Variants in ZNF521 observed in about 807,000 individuals in gnomAD.
ZNF521 encodes LYST-interacting protein 3.
A neutral mutation model predicts 105.5 loss-of-function variants in ZNF521; 14 were observed. The observed-to-expected ratio is 0.13, with a 90% CI of 0.09 to 0.21. The LOEUF (loss-of-function observed/expected upper bound fraction) is 0.21. Ranked by LOEUF, ZNF521 falls within the 10% of genes least tolerant of loss-of-function variation. The probability of loss-of-function intolerance (pLI) is 1.00; values close to 1 mark genes in which losing one functional copy is unlikely to be tolerated. For synonymous variants in ZNF521, 635 were observed against 606.0 expected (o/e 1.05, Z -0.70); for missense variants, 1,233 against 1,629.7 (o/e 0.76, Z 4.19).
intron 5 of ZNF521, among the ~76,000 whole-genome samples, chr18:25,166,423 C>T (rs990593739): frequency 6.6e-6 from 1 of 152,040 alleles, no homozygotes; most frequent in Non-Finnish European, 1.5e-5. Context: ...TTTTTTTAAA[C>T]AAGATTCTTG....
chr18:25,124,335 T>C (rs980599865), intron 5 of ZNF521, among the ~76,000 whole-genome samples: 3 of 152,146 alleles, frequency 2.0e-5, no homozygotes, highest in Non-Finnish European at 4.4e-5. Context: ...TAACAACAGC[T>C]GCAGTCCTGC....
At chr18:25,253,927 T>G (rs765169433) in intron 3 of ZNF521, among the ~76,000 whole-genome samples, 1 of 152,132 alleles carries the variant, frequency 6.6e-6, no homozygotes, top group Admixed American at 6.6e-5. Flanking sequence ...TGATATGAAC[T>G]CAAATCCTTG....
intron 5 of ZNF521, among the ~76,000 whole-genome samples, chr18:25,132,268 A>T (rs1355818118): frequency 6.6e-6 from 1 of 152,186 alleles, no homozygotes; most frequent in African/African-American, 2.4e-5. Flanking sequence ...CACCTACTGT[A>T]TCTTCTAAGC....
At chr18:25,263,869 C>T (rs1338125378) in intron 3 of ZNF521, among the ~76,000 whole-genome samples, 5 of 152,164 alleles carry the variant, frequency 3.3e-5, no homozygotes. Flanking sequence ...TAAGCCACAG[C>T]ACCTGGCCTA....
In ZNF521 at chr18:25,272,656, A is replaced by T. The variant is rs990201036; in HGVS notation, c.221-44959T>A. Among the ~76,000 whole-genome samples the T allele has an allele frequency of 2.0e-5, 3 of 152,004 alleles. No individual in the cohort carries two copies. The East Asian group carries it at 5.8e-4, about 30-fold the overall frequency. On this transcript the variant is annotated intron_variant, in intron 3 of 7. Coordinates refer to ENST00000361524, the MANE Select transcript of ZNF521 (RefSeq NM_015461.3). ...AAACCATCATTCTCAGCAAACTACCACAAGAACAGAAAACCAAACACTGCA... is the reference window on the plus strand; with the variant it reads ...AAACCATCATTCTCAGCAAACTACCTCAAGAACAGAAAACCAAACACTGCA...
At chr18:25,103,866 C>T (rs1009070546) in intron 5 of ZNF521, among the ~76,000 whole-genome samples, 44 of 151,926 alleles carry the variant, frequency 2.9e-4, no homozygotes, top group African/African-American at 9.9e-4. Context: ...ACAAAAGACT[C>T]GTGGTAAGAA....
rs147893033 is a variant in ZNF521, at chr18:25,187,522, C to T, written c.3658+7638G>A. ...GACTTAAAATATGCTGGCAAGCAGG[C>T]CCTTTTATCAACAATTTTGCCATAG... On this transcript the variant is annotated intron_variant, in intron 5 of 7. Coordinates refer to ENST00000361524, the MANE Select transcript of ZNF521 (RefSeq NM_015461.3). Among the ~76,000 whole-genome samples, 601 of 152,160 alleles carry T rather than the reference C, an allele frequency of 3.9e-3. 2 individuals are homozygous for T. Among genetic ancestry groups the T allele is most frequent in the Non-Finnish European group, 6.0e-3 (405 of 68,012 alleles).
chr18:25,315,806 C>T (rs1023562250), intron 3 of ZNF521: 9 of 152,028 alleles, frequency 5.9e-5, no homozygotes, highest in Non-Finnish European at 1.3e-4. Context: ...ATGAAAGTCA[C>T]CAAAGGAACA....
intron 3 of ZNF521, among the ~76,000 whole-genome samples, chr18:25,249,386 T>C (rs915514574): frequency 6.6e-6 from 1 of 152,070 alleles, no homozygotes; most frequent in Admixed American, 6.6e-5. Flanking sequence ...CTCCATCTCC[T>C]GACCTCGTGA....
In ZNF521 at chr18:25,227,172, C is replaced by T. The variant is rs1187962480; in HGVS notation, c.746G>A (p.Ser249Asn). The T allele has an allele frequency of 5.0e-6, 8 of 1,614,170 alleles. No individual in the cohort carries two copies. The highest frequency in any genetic ancestry group is 6.8e-6 in the Non-Finnish European group (8 of 1,180,018). The change falls in exon 4 of 8, where the codon AGT (serine) becomes AAT (asparagine). Residue 249 changes from serine (S) to asparagine (N), a missense_variant. Ser to Asn is a conservative substitution (Grantham distance 46, BLOSUM62 1). This residue lies in a region of ZNF521 where 380 missense variants were observed against 478.0 expected (regional missense o/e 0.80). Transcript: ENST00000361524. This position sits in a 1 kb window ranked among gnomAD's most constrained non-coding sequence, Gnocchi z 5.7. ...DWKMKDTQKC[S>N]QCEEGFDFPE... ...GAAGTCAAAGCCTTCCTCACACTGACTGCACTTCTGAGTGTCCTTCATCTT... is the reference window on the plus strand; with the variant it reads ...GAAGTCAAAGCCTTCCTCACACTGATTGCACTTCTGAGTGTCCTTCATCTT...
intron 5 of ZNF521, among the ~76,000 whole-genome samples, chr18:25,192,617 A>G (rs2035836809): frequency 6.6e-6 from 1 of 152,062 alleles, no homozygotes. Context: ...CAAAAGGAGT[A>G]AGAGGCTTTT....
chr18:25,241,716 T>A (rs1320595314), intron 3 of ZNF521, among the ~76,000 whole-genome samples: 1 of 152,138 alleles, frequency 6.6e-6, no homozygotes, highest in Non-Finnish European at 1.5e-5. Flanking sequence ...AATGTGCACA[T>A]CTTTAGTATC....
intron 3 of ZNF521, among the ~76,000 whole-genome samples, chr18:25,279,019 C>T (rs552713387): frequency 2.0e-5 from 3 of 152,110 alleles, no homozygotes; most frequent in East Asian, 1.9e-4. Flanking sequence ...CAGAGTGAAG[C>T]GCTTAATTTT....
At chr18:25,067,053 A>G (rs77492032) in intron 7 of ZNF521, among the ~76,000 whole-genome samples, 2,037 of 152,356 alleles carry the variant, frequency 0.013, 17 homozygotes, top group South Asian at 0.021. Context: ...GGAAGAGAAG[A>G]AAACTTCTGT....
At chr18:25,179,115 C>T (rs1224925215) in intron 5 of ZNF521, among the ~76,000 whole-genome samples, 3 of 76,190 alleles carry the variant, frequency 3.9e-5, no homozygotes, top group African/African-American at 9.3e-5. Context: ...TTTCTTTATT[C>T]CTTTTTTTTT....
chr18:25,252,071 G>A (rs543814924), intron 3 of ZNF521, among the ~76,000 whole-genome samples: 3 of 152,258 alleles, frequency 2.0e-5, no homozygotes, highest in Non-Finnish European at 2.9e-5. Context: ...ATAATAAGGT[G>A]TAAAAGCACA....
intron 4 of ZNF521, among the ~76,000 whole-genome samples, chr18:25,218,020 T>C (rs531613670): frequency 1.2e-4 from 18 of 152,064 alleles, no homozygotes; most frequent in Non-Finnish European, 2.6e-4. Context: ...AGACAATATG[T>C]TATGTGTGGT....
intron 4 of ZNF521, among the ~76,000 whole-genome samples, chr18:25,210,891 G>C (rs1260463786): frequency 6.6e-6 from 1 of 152,172 alleles, no homozygotes; most frequent in South Asian, 2.1e-4. Flanking sequence ...AGAGGAGAAA[G>C]ACATGTATCC....
At chr18:25,136,308 T>C (rs893576681) in intron 5 of ZNF521, among the ~76,000 whole-genome samples, 4 of 152,170 alleles carry the variant, frequency 2.6e-5, no homozygotes, top group East Asian at 1.9e-4. Flanking sequence ...GCTTTGGAGA[T>C]AGAGGAGTTT....
Sources: allele counts gnomAD v4.1 joint callset (sites outside exome capture counted in the v4.1 genomes callset), GRCh38; gene constraint gnomAD v4.1.1; regional missense constraint gnomAD v4.1.1; non-coding constraint Gnocchi (gnomAD v3.1); transcripts MANE v1.5; gene names NCBI Gene and HGNC (gene_info 2026-07-23, HGNC 2026-07-21).